TRNAU1AP: variants seen among roughly 807,000 people sequenced by gnomAD.
The protein encoded by TRNAU1AP is tRNA selenocysteine 1 associated protein 1.
A neutral mutation model predicts 43.3 loss-of-function variants in TRNAU1AP; 33 were observed. That is an observed-to-expected ratio of 0.76 (90% confidence interval 0.58 to 1.02). The LOEUF (loss-of-function observed/expected upper bound fraction) is 1.02. Ranked by LOEUF, TRNAU1AP falls within the 50% of genes least tolerant of loss-of-function variation. The pLI is 0.00. For missense variants in TRNAU1AP, 290 were observed against 362.7 expected (o/e 0.80, Z 1.63); for synonymous variants, 143 against 129.1 (o/e 1.11, Z -0.73).
intron 2 of TRNAU1AP, among the ~76,000 whole-genome samples, chr1:28,555,277 G>A (rs1665233593): frequency 6.6e-6 from 1 of 151,844 alleles, no homozygotes; most frequent in African/African-American, 2.4e-5. Context: ...GTGTTCTACT[G>A]TTATACATTC....
At position 28,577,459 on chromosome 1, in the gene TRNAU1AP, GTCCCTAGACT is replaced by G. The variant is rs751012276; in HGVS notation, c.728-35_728-26del. On this transcript the variant is annotated intron_variant, in intron 8 of 8. Transcript: ENST00000373830. ...GAACTGAACCAGGTCCCTTGCAGCT[GTCCCTAGACT>G]TCCCTGACCCCATCCTTGCTTGCTT... 5 of 1,606,860 alleles carry G rather than the reference GTCCCTAGACT, an allele frequency of 3.1e-6. No individual in the cohort carries two copies. In the South Asian group the frequency reaches 5.6e-5, roughly 18 times the overall value.
At chr1:28,569,583 CAGAG>C (rs1272478995) in intron 6 of TRNAU1AP, among the ~76,000 whole-genome samples, 1 of 149,932 alleles carries the variant, frequency 6.7e-6, no homozygotes, top group Non-Finnish European at 1.5e-5. Flanking sequence ...CCCAGCTACT[CAGAG>C]AGGCTGAGAC....
intron 3 of TRNAU1AP, chr1:28,561,098 C>T (rs1189089588): frequency 1.4e-6 from 2 of 1,385,884 alleles, no homozygotes; most frequent in African/African-American, 2.9e-5. Flanking sequence ...GAGTTGCATT[C>T]TGCTCTTCCC....
chr1:28,561,125 C>CAGCT (rs1174725982), intron 3 of TRNAU1AP: 1 of 1,406,482 alleles, frequency 7.1e-7, no homozygotes, highest in East Asian at 2.7e-5. Context: ...ACTTAGCTTA[C>CAGCT]AGCTGCACCA....
intron 8 of TRNAU1AP, among the ~76,000 whole-genome samples, chr1:28,572,364 T>C (rs1333694840): frequency 5.9e-5 from 9 of 151,810 alleles, no homozygotes; most frequent in African/African-American, 2.2e-4. Flanking sequence ...CAGCTAATTA[T>C]TTTGTATTTT....
chr1:28,563,805 T>C (rs1665473805), intron 4 of TRNAU1AP, among the ~76,000 whole-genome samples: 1 of 151,892 alleles, frequency 6.6e-6, no homozygotes, highest in Non-Finnish European at 1.5e-5. Flanking sequence ...TGAGCCGAGA[T>C]CACGCCACTG....
chr1:28,556,568 A>G (rs1353720962), intron 2 of TRNAU1AP, among the ~76,000 whole-genome samples: 1 of 148,774 alleles, frequency 6.7e-6, no homozygotes, highest in African/African-American at 2.5e-5. Flanking sequence ...CTGAAGTGCA[A>G]TGGCACCATC....
intron 4 of TRNAU1AP, among the ~76,000 whole-genome samples, chr1:28,563,010 C>T (rs1393567528): frequency 2.0e-5 from 3 of 151,596 alleles, no homozygotes; most frequent in Non-Finnish European, 4.4e-5. Flanking sequence ...ATTCTCCTGC[C>T]TCAGCCTCCC....
chr1:28,557,469 CTTT>C (rs753718490), intron 2 of TRNAU1AP, among the ~76,000 whole-genome samples: 15 of 118,104 alleles, frequency 1.3e-4, no homozygotes, highest in Non-Finnish European at 1.4e-4. Context: ...TTACATGTTT[CTTT>C]TTTTTTTTTT....
In TRNAU1AP at chr1:28,560,746, G is replaced by T; in HGVS notation, c.225+14G>T. ...GGAGCCACACCTGTAAGGACATTTA[G>T]ATAATGATGATGTTGCCATTATTAT... On this transcript the variant is annotated intron_variant, in intron 3 of 8. Coordinates refer to ENST00000373830, the MANE Select transcript of TRNAU1AP (RefSeq NM_017846.5). 3.2e-6 allele frequency: 5 copies of T among 1,578,216 alleles called. No homozygotes were observed. The highest frequency in any genetic ancestry group is 4.4e-6 in the Non-Finnish European group (5 of 1,148,290).
intron 2 of TRNAU1AP, among the ~76,000 whole-genome samples, chr1:28,559,497 G>A (rs1255352231): frequency 1.3e-5 from 2 of 151,888 alleles, no homozygotes; most frequent in Admixed American, 6.6e-5. Flanking sequence ...GCATGGTGGC[G>A]CATGCCTGTA....
chr1:28,554,153 G>C (rs1381893913), intron 2 of TRNAU1AP: 1 of 151,778 alleles, frequency 6.6e-6, no homozygotes, highest in Non-Finnish European at 1.4e-5. Context: ...AGCTGAGATC[G>C]TGCCACTGTA....
At chr1:28,554,211 A>C (rs949662768) in intron 2 of TRNAU1AP, among the ~76,000 whole-genome samples, 1 of 138,672 alleles carries the variant, frequency 7.2e-6, no homozygotes, top group Non-Finnish European at 1.5e-5. Context: ...AAAAAAAAAA[A>C]ACAAAAAAAC....
intron 4 of TRNAU1AP, 26 bp from the exon 5 acceptor site, chr1:28,564,677 T>G: frequency 6.2e-7 from 1 of 1,601,674 alleles, no homozygotes; most frequent in Non-Finnish European, 8.5e-7. Flanking sequence ...TCTTTGCCTC[T>G]GAATCTTCTT....
intron 2 of TRNAU1AP, among the ~76,000 whole-genome samples, chr1:28,554,276 C>T (rs1029002249): frequency 6.6e-6 from 1 of 151,310 alleles, no homozygotes. Context: ...TACTCTATGA[C>T]CTTGGGTAAG....
chr1:28,564,472 C>T (rs1665492632), intron 4 of TRNAU1AP, among the ~76,000 whole-genome samples: 1 of 152,184 alleles, frequency 6.6e-6, no homozygotes, highest in Non-Finnish European at 1.5e-5. Flanking sequence ...TCATGTAATA[C>T]TTGAAGTCAG....
chr1:28,568,633 G>T (rs1039243526), intron 6 of TRNAU1AP, among the ~76,000 whole-genome samples: 2 of 152,014 alleles, frequency 1.3e-5, no homozygotes, highest in Non-Finnish European at 2.9e-5. Context: ...TTGCCTCCCA[G>T]AGGACATTGA....
At chr1:28,575,087 T>C (rs777032287) in intron 8 of TRNAU1AP, among the ~76,000 whole-genome samples, 20 of 152,224 alleles carry the variant, frequency 1.3e-4, no homozygotes, top group South Asian at 6.2e-4. Flanking sequence ...CATTGCCTTC[T>C]TTCTAGAGAT....
rs116946918 is a variant in TRNAU1AP at position 28,563,923 on chromosome 1, A to G, written c.279-780A>G. On this transcript the variant is annotated intron_variant, in intron 4 of 8. Transcript: ENST00000373830. ...TTTTTAATAGAATTGACCTCCTATA[A>G]TAGGAGTTGGTAAACTTTGGCCTGA... 1.6e-3 allele frequency among the ~76,000 whole-genome samples: 239 copies of G among 152,144 alleles called. 10 individuals carry two copies. The East Asian group carries it at 0.035, about 22-fold the overall frequency.
Sources: allele counts gnomAD v4.1 joint callset (sites outside exome capture counted in the v4.1 genomes callset), GRCh38; gene constraint gnomAD v4.1.1; transcripts MANE v1.5; gene names NCBI Gene and HGNC (gene_info 2026-07-23, HGNC 2026-07-21).